ABCD2: variants seen among roughly 807,000 people sequenced by gnomAD.
ABCD2 encodes the protein ATP binding cassette subfamily D member 2, also known as ATP-binding cassette sub-family D member 2.
In ABCD2, 36 loss-of-function variants were observed where a neutral mutation model predicts 70.9. The observed-to-expected ratio is 0.51, with a 90% CI of 0.39 to 0.67. ABCD2 has a LOEUF of 0.67. ABCD2 is among the 30% of genes least tolerant of loss of function. The pLI is 0.00. For synonymous variants in ABCD2, 304 were observed against 306.9 expected (o/e 0.99, Z 0.10); for missense variants, 729 against 890.2 (o/e 0.82, Z 2.30).
chr12:39,618,639 G>C, intron 1 of ABCD2, 38 bp downstream of exon 1: 1 of 1,568,406 alleles, frequency 6.4e-7, no homozygotes. Flanking sequence ...AACTTGAACA[G>C]TTTCACATTT....
At position 39,618,769 on chromosome 12, in the gene ABCD2, C is replaced by T. The variant is rs1170858712; in HGVS notation, c.847G>A (p.Ala283Thr). The part of the protein sequence containing the change: ...ACSPKFGKLV[A>T]EEAHRKGYLR... ...TAGCCTTTTCTATGTGCTTCCTCTG[C>T]CACCAGTTTGCCAAATTTGGGAGAA... is the stretch of plus-strand genomic sequence containing the variant. Residue 283 changes from alanine to threonine, a missense_variant, in exon 1 of 10, where the codon GCA becomes ACA. Coordinates refer to ENST00000308666, the MANE Select transcript of ABCD2 (RefSeq NM_005164.4). 1 of 1,614,096 alleles carries T rather than the reference C, an allele frequency of 6.2e-7. No homozygotes were observed. The highest frequency in any genetic ancestry group is 2.2e-5 in the East Asian group (1 of 44,902).
chr12:39,553,213 A>G lies in ABCD2; in HGVS notation c.*699T>C, dbSNP rs1046164369. 6.6e-6 allele frequency: 1 copy of G among 152,086 alleles called. No individual in the cohort carries two copies. The allele number at this position is 152,086 out of a possible 1,614,324, so 9.4% of individuals were successfully genotyped here. On this transcript the variant is annotated 3_prime_UTR_variant, in exon 10 of 10. Transcript: ENST00000308666. ...CATTGTTTGGATACTCCTTTTCTGT[A>G]TTGGCAATTCTCTTTTTAAAATGAA...
Position 39,608,327 on chromosome 12 carries a change from A to G in ABCD2, c.1121-613T>C, listed in dbSNP as rs149053923. Among the ~76,000 whole-genome samples the G allele has an allele frequency of 1.9e-4, 29 of 152,222 alleles. No homozygotes were observed. The East Asian group carries it at 5.4e-3, about 28-fold the overall frequency. On this transcript the variant is annotated intron_variant, in intron 2 of 9. Coordinates refer to ENST00000308666, the MANE Select transcript of ABCD2 (RefSeq NM_005164.4). ...AAATAAATCAAAAGGAACTAAAACTATTTTCATTTAGCATTCTTTCAACCC... is the reference window on the plus strand; with the variant it reads ...AAATAAATCAAAAGGAACTAAAACTGTTTTCATTTAGCATTCTTTCAACCC...
chr12:39,553,860 A>G lies in ABCD2; in HGVS notation c.*52T>C. The G allele has an allele frequency of 7.4e-7, 1 of 1,348,160 alleles. No individual in the cohort carries two copies. The allele number at this position is 1,348,160 out of a possible 1,614,324, so 83.5% of individuals were successfully genotyped here. On this transcript the variant is annotated 3_prime_UTR_variant, in exon 10 of 10. Coordinates refer to ENST00000308666, the MANE Select transcript of ABCD2 (RefSeq NM_005164.4). ...AACATACTTCATGCAGTATAACAGA[A>G]TGTCTTTGAGCCTTTATCTAATAAT...
At chr12:39,577,750 A>G (rs1333147523) in intron 8 of ABCD2, among the ~76,000 whole-genome samples, 1 of 152,204 alleles carries the variant, frequency 6.6e-6, no homozygotes, top group Admixed American at 6.5e-5. Context: ...TATTTCAGAG[A>G]CTGTTCTCAA....
chr12:39,553,320 T>A lies in ABCD2; in HGVS notation c.*592A>T, dbSNP rs1467673458. 6.6e-6 allele frequency: 1 copy of A among 152,078 alleles called. No homozygotes were observed. Among genetic ancestry groups the A allele is most frequent in the Non-Finnish European group, 1.5e-5 (1 of 67,928 alleles). 9.4% of individuals were successfully genotyped at this position (152,078 alleles called of 1,614,324 possible). A position where few individuals can be genotyped will look rare whatever the true frequency, so the allele number is the denominator to read the frequency against. ...ATTAAGATGCTTAAAGTCCAAAATT[T>A]AAAAATATGGCATTTTATACATTTT... is the stretch of plus-strand genomic sequence containing the variant. On this transcript the variant is annotated 3_prime_UTR_variant, in exon 10 of 10. Transcript: ENST00000308666.
At chr12:39,557,209 G>C (rs922088654) in intron 9 of ABCD2, among the ~76,000 whole-genome samples, 1 of 152,198 alleles carries the variant, frequency 6.6e-6, no homozygotes, top group Non-Finnish European at 1.5e-5. Flanking sequence ...TTGGGAACTA[G>C]AGCAAAGCTG....
chr12:39,612,821 A>G (rs1214570824), intron 2 of ABCD2, among the ~76,000 whole-genome samples: 1 of 152,212 alleles, frequency 6.6e-6, no homozygotes, highest in Non-Finnish European at 1.5e-5. Flanking sequence ...TTATAATCTT[A>G]TTGGCAGTAC....
At chr12:39,540,129 GT>G in the ABCD2 span, among the ~76,000 whole-genome samples, 1 of 152,174 alleles carries the variant, frequency 6.6e-6, no homozygotes, top group Non-Finnish European at 1.5e-5. Context: ...TGTTGTTCTT[GT>G]TTTTAATAAT....
chr12:39,564,996 T>A (rs555555392), intron 9 of ABCD2, among the ~76,000 whole-genome samples: 3 of 152,358 alleles, frequency 2.0e-5, no homozygotes, highest in South Asian at 4.1e-4. Context: ...ATATCTCTGT[T>A]TTGGTACTAG....
intron 8 of ABCD2, 125 bp from the exon 9 acceptor site, chr12:39,573,966 G>T: frequency 1.1e-6 from 1 of 902,714 alleles, no homozygotes; most frequent in Non-Finnish European, 1.6e-6. Flanking sequence ...ATTATTAAAG[G>T]CAATAAATGA....
chr12:39,542,657 A>G, the ABCD2 span, among the ~76,000 whole-genome samples: 2 of 152,128 alleles, frequency 1.3e-5, no homozygotes, highest in Non-Finnish European at 2.9e-5. Context: ...TTGATGGTGA[A>G]TTGGCTGTGG....
intron 5 of ABCD2, 84 bp from the exon 6 acceptor site, chr12:39,600,800 A>G (rs2120710118): frequency 1.6e-6 from 2 of 1,285,074 alleles, no homozygotes; most frequent in Admixed American, 2.6e-5. Flanking sequence ...ATTTTTTTAA[A>G]ATGTTCGAAA....
intron 4 of ABCD2, 64 bp from the exon 5 acceptor site, chr12:39,604,070 T>C (rs1055047827): frequency 8.8e-7 from 1 of 1,136,862 alleles, no homozygotes; most frequent in Non-Finnish European, 1.3e-6. Flanking sequence ...ATAACGTAAA[T>C]TATTATGCAG....
Position 39,600,661 on chromosome 12 carries a change from G to T in ABCD2, c.1556C>A (p.Ser519Tyr), listed in dbSNP as rs1369703833. Residue 519 changes from serine to tyrosine, a missense_variant, in exon 6 of 10, where the codon TCT becomes TAT. Ser to Tyr is a moderately radical substitution (Grantham distance 144). Transcript: ENST00000308666. ...GAGCCCACTTAGAATTCTGAAGAGA[G>T]AACTTTTCCCACAACCATTGGGACC... ...ITGPNGCGKS[S>Y]LFRILSGLWP... 6.2e-7 allele frequency: 1 copy of T among 1,612,332 alleles called. No homozygotes were observed. Among genetic ancestry groups the T allele is most frequent in the Non-Finnish European group, 8.5e-7 (1 of 1,179,208 alleles).
chr12:39,562,614 C>A (rs1244171624), intron 9 of ABCD2, among the ~76,000 whole-genome samples: 1 of 151,980 alleles, frequency 6.6e-6, no homozygotes, highest in African/African-American at 2.4e-5. Context: ...ACACATACAA[C>A]CTACAAAGAT....
the ABCD2 span, among the ~76,000 whole-genome samples, chr12:39,542,869 T>C: frequency 6.6e-5 from 10 of 152,150 alleles, no homozygotes; most frequent in Non-Finnish European, 1.0e-4. Flanking sequence ...GGACTGGGCT[T>C]GTTCAGAGAG....
chr12:39,586,306 C>T lies in ABCD2; in HGVS notation c.1647-9G>A. On this transcript the variant is annotated splice_polypyrimidine_tract_variant and intron_variant, in intron 6 of 9. Coordinates refer to ENST00000308666, the MANE Select transcript of ABCD2 (RefSeq NM_005164.4). ...CAAGAGACATATATGGCCTTTAAAA[C>T]ACCAAGCACACAAGAATCCTAGTGG... 1 of 1,604,570 alleles carries T rather than the reference C, an allele frequency of 6.2e-7. No individual in the cohort carries two copies. Among genetic ancestry groups the T allele is most frequent in the South Asian group, 1.1e-5 (1 of 89,024 alleles).
At chr12:39,538,510 C>T in the ABCD2 span, among the ~76,000 whole-genome samples, 1 of 152,130 alleles carries the variant, frequency 6.6e-6, no homozygotes, top group East Asian at 1.9e-4. Flanking sequence ...TCTTTCCTTG[C>T]TTTGTTTGTG....
Sources: allele counts gnomAD v4.1 joint callset (sites outside exome capture counted in the v4.1 genomes callset), GRCh38; gene constraint gnomAD v4.1.1; transcripts MANE v1.5; gene names NCBI Gene and HGNC (gene_info 2026-07-23, HGNC 2026-07-21).